PPCDC: variants seen among roughly 807,000 people sequenced by gnomAD.
PPCDC encodes the protein phosphopantothenoylcysteine decarboxylase.
Under a neutral mutation model 20.7 loss-of-function variants are expected in PPCDC, and 20 were observed. The ratio of observed to expected loss-of-function variants is 0.97; its 90% CI spans 0.68 to 1.41. The LOEUF is 1.41. PPCDC is among the 40% of genes most tolerant of loss of function. The pLI is 0.00. For missense variants in PPCDC, 246 were observed against 263.8 expected (o/e 0.93, Z 0.47); for synonymous variants, 88 against 100.3 (o/e 0.88, Z 0.73).
At chr15:75,045,779 G>A (rs2066224892) in intron 4 of PPCDC, among the ~76,000 whole-genome samples, 1 of 152,110 alleles carries the variant, frequency 6.6e-6, no homozygotes, top group South Asian at 2.1e-4. Context: ...AGCTACTTGG[G>A]AGGCTGAGGT....
chr15:75,029,853 G>C (rs370420978), intron 2 of PPCDC, among the ~76,000 whole-genome samples: 1 of 152,174 alleles, frequency 6.6e-6, no homozygotes, highest in Non-Finnish European at 1.5e-5. Context: ...GTGAGTTTCC[G>C]GACTAGGGGT....
chr15:75,027,825 C>T (rs6495142), intron 1 of PPCDC, among the ~76,000 whole-genome samples: 26,099 of 152,094 alleles, frequency 0.17, 3,327 homozygotes, highest in South Asian at 0.43. Context: ...CATCACAGTC[C>T]GGCCTCACTA....
At chr15:75,035,456 TC>T (rs1344240624) in intron 2 of PPCDC, among the ~76,000 whole-genome samples, 1 of 152,130 alleles carries the variant, frequency 6.6e-6, no homozygotes, top group Non-Finnish European at 1.5e-5. Context: ...ACGGGAGGTA[TC>T]ACTCTAAATC....
chr15:75,024,932 TTATTA>T (rs1204435211), intron 1 of PPCDC, among the ~76,000 whole-genome samples: 3 of 151,624 alleles, frequency 2.0e-5, no homozygotes, highest in Non-Finnish European at 4.4e-5. Context: ...TGTGGTACTA[TTATTA>T]TATTTTGAAA....
chr15:75,036,492 A>G (rs1018310037), intron 2 of PPCDC, among the ~76,000 whole-genome samples: 1 of 152,012 alleles, frequency 6.6e-6, no homozygotes, highest in Non-Finnish European at 1.5e-5. Context: ...ATCAGGAAAG[A>G]CCCGCCCATC....
chr15:75,030,075 C>T (rs536692957), intron 2 of PPCDC, among the ~76,000 whole-genome samples: 1 of 152,186 alleles, frequency 6.6e-6, no homozygotes. Flanking sequence ...ATGTCTGGAA[C>T]AGGACTTGGC....
Position 75,050,340 on chromosome 15 carries a change from T to A in PPCDC, c.*1105T>A, listed in dbSNP as rs995722351. The A allele has an allele frequency of 6.6e-6, 1 of 152,366 alleles. No homozygotes were observed. Among genetic ancestry groups the A allele is most frequent in the Non-Finnish European group, 1.5e-5 (1 of 68,148 alleles). 9.4% of individuals were successfully genotyped at this position (152,366 alleles called of 1,614,324 possible). A position where few individuals can be genotyped will look rare whatever the true frequency, so the allele number is the denominator to read the frequency against. On this transcript the variant is annotated 3_prime_UTR_variant, in exon 6 of 6. Transcript: ENST00000342932. The stretch of plus-strand genomic sequence containing the variant: ...CCTGAGGCAGGGGCCTGGGTGTCTG[T>A]GCCTCCCTACCCCCCAGTACACATG...
intron 2 of PPCDC, among the ~76,000 whole-genome samples, chr15:75,042,000 G>A (rs1259762589): frequency 6.6e-6 from 1 of 152,244 alleles, no homozygotes; most frequent in African/African-American, 2.4e-5. Flanking sequence ...GTAGGAATGT[G>A]TGTCCAGCAG....
At chr15:75,041,256 T>C (rs906974602) in intron 2 of PPCDC, among the ~76,000 whole-genome samples, 2 of 152,198 alleles carry the variant, frequency 1.3e-5, no homozygotes, top group African/African-American at 4.8e-5. Flanking sequence ...CCCTGCTCAT[T>C]TGCCATCTTA....
intron 5 of PPCDC, 83 bp downstream of exon 5, chr15:75,048,804 G>C: frequency 6.8e-7 from 1 of 1,472,586 alleles, no homozygotes; most frequent in African/African-American, 1.4e-5. Context: ...TTCCTGGCCT[G>C]TTAATGACCT....
intron 2 of PPCDC, among the ~76,000 whole-genome samples, chr15:75,030,127 C>T (rs900502801): frequency 6.6e-6 from 1 of 152,194 alleles, no homozygotes; most frequent in African/African-American, 2.4e-5. Flanking sequence ...GTGAGGCAGC[C>T]AGAGGGCACT....
chr15:75,033,255 G>A (rs1041255954), intron 2 of PPCDC, among the ~76,000 whole-genome samples: 1 of 152,118 alleles, frequency 6.6e-6, no homozygotes, highest in Non-Finnish European at 1.5e-5. Flanking sequence ...GGCTGCATTC[G>A]TGCTACTACA....
chr15:75,037,200 G>A (rs956942172), intron 2 of PPCDC, among the ~76,000 whole-genome samples: 5 of 152,188 alleles, frequency 3.3e-5, no homozygotes, highest in Non-Finnish European at 5.9e-5. Flanking sequence ...AGCAGAAGCA[G>A]GCAGTGTATT....
intron 1 of PPCDC, 177 bp from the exon 2 acceptor site, chr15:75,028,070 G>T (rs1411797829): frequency 2.0e-6 from 1 of 510,604 alleles, no homozygotes; most frequent in East Asian, 3.6e-5. Context: ...ATTCCCTTGT[G>T]ACTGGCCCAT....
chr15:75,028,292 C>G lies in PPCDC; in HGVS notation c.-27C>G, dbSNP rs1018860557. 8 of 1,611,116 alleles carry G rather than the reference C, an allele frequency of 5.0e-6. No homozygotes were observed. The highest frequency in any genetic ancestry group is 1.6e-4 in the Middle Eastern group (1 of 6,066). ...TATAGAGCCCAGGCCTGGCAGGCTC[C>G]CAGAACTTGAAGCCACCAGACCCCA... On this transcript the variant is annotated 5_prime_UTR_variant, in exon 2 of 6. Coordinates refer to ENST00000342932, the MANE Select transcript of PPCDC (RefSeq NM_021823.5).
intron 2 of PPCDC, among the ~76,000 whole-genome samples, chr15:75,040,080 C>T (rs1203214128): frequency 2.0e-5 from 3 of 151,048 alleles, no homozygotes; most frequent in East Asian, 2.0e-4. Flanking sequence ...CATGCCCAGC[C>T]GTTCTCTTCT....
chr15:75,036,706 C>T (rs1328174579), intron 2 of PPCDC, among the ~76,000 whole-genome samples: 8 of 152,072 alleles, frequency 5.3e-5, no homozygotes, highest in African/African-American at 1.9e-4. Flanking sequence ...CCTAAAGGCT[C>T]TGAGACCTTG....
At chr15:75,044,653 A>G (rs770893035) in intron 4 of PPCDC, 139 bp downstream of exon 4, 2 of 1,196,078 alleles carry the variant, frequency 1.7e-6, no homozygotes, top group Non-Finnish European at 2.3e-6. Flanking sequence ...CATTCCCCAC[A>G]TCGCCCCCAG....
At chr15:75,047,576 C>A (rs769414386) in intron 4 of PPCDC, among the ~76,000 whole-genome samples, 7 of 152,192 alleles carry the variant, frequency 4.6e-5, no homozygotes, top group Non-Finnish European at 1.0e-4. Context: ...CTCTCTCCCC[C>A]AGGCGGCCCC....
Sources: gnomAD v4.1 joint callset for allele counts (sites outside exome capture counted in the v4.1 genomes callset) on GRCh38, gnomAD v4.1.1 for gene constraint, MANE v1.5 for transcripts, NCBI Gene and HGNC (gene_info 2026-07-23, HGNC 2026-07-21) for gene names.